GSS: variants seen among roughly 807,000 people sequenced by gnomAD.
GSS encodes the protein glutathione synthetase.
GSS carries 34 observed loss-of-function variants against 60.4 expected under a neutral mutation model. That is an observed-to-expected ratio of 0.56 (90% CI 0.43 to 0.75). The LOEUF is 0.75. Ranked by LOEUF, GSS falls within the 30% of genes least tolerant of loss-of-function variation. The pLI, the probability that GSS is intolerant of heterozygous loss-of-function variation, is 0.00. For synonymous variants in GSS, 224 were observed against 239.0 expected, an observed-to-expected ratio of 0.94 and a Z score of 0.58; for missense variants, 499 against 595.1, an observed-to-expected ratio of 0.84 and a Z score of 1.68.
chr20:34,952,112 C>T, intron 1 of GSS: 1 of 523,844 alleles, frequency 1.9e-6, no homozygotes, highest in South Asian at 2.0e-5. Flanking sequence ...ATTATTCTCA[C>T]AGTAAGGAAG....
intron 1 of GSS, chr20:34,954,905 T>G (rs1393135745): frequency 6.5e-6 from 1 of 153,542 alleles, no homozygotes; most frequent in Non-Finnish European, 1.5e-5. Context: ...TATAGTACTT[T>G]GAATTCCTTT....
chr20:34,953,263 T>C (rs6060129), intron 1 of GSS, among the ~76,000 whole-genome samples: 6 of 152,178 alleles, frequency 3.9e-5, no homozygotes, highest in African/African-American at 1.2e-4. Flanking sequence ...TAGAGAATAA[T>C]AGGAAACCTC....
intron 8 of GSS, among the ~76,000 whole-genome samples, 168 bp from the exon 9 acceptor site, chr20:34,935,810 T>G (rs1167466161): frequency 6.6e-6 from 1 of 152,178 alleles, no homozygotes; most frequent in Admixed American, 6.5e-5. Context: ...ATATCCACAC[T>G]ACCAGGGCTT....
intron 6 of GSS, among the ~76,000 whole-genome samples, chr20:34,940,249 G>A (rs1212863706): frequency 6.6e-6 from 1 of 152,152 alleles, no homozygotes; most frequent in Non-Finnish European, 1.5e-5. Flanking sequence ...GGACACACAA[G>A]TATTTTCTGT....
intron 6 of GSS, among the ~76,000 whole-genome samples, chr20:34,941,183 C>T (rs557126606): frequency 1.8e-4 from 28 of 152,024 alleles, no homozygotes; most frequent in Admixed American, 9.2e-4. Flanking sequence ...GGTGAAACCC[C>T]GTCTCTACTA....
chr20:34,951,989 C>G, intron 1 of GSS, 129 bp from the exon 2 acceptor site: 2 of 863,164 alleles, frequency 2.3e-6, no homozygotes, highest in Non-Finnish European at 3.8e-6. Flanking sequence ...GCGTGGTATA[C>G]AGGAGTGAAC....
At chr20:34,938,703 C>A (rs748155815) in intron 6 of GSS, among the ~76,000 whole-genome samples, 5 of 152,228 alleles carry the variant, frequency 3.3e-5, no homozygotes, top group Admixed American at 6.5e-5. Context: ...AGCCTGCCAA[C>A]TGCTAAACAA....
At chr20:34,929,172 C>T (rs1475877237) in intron 12 of GSS, 4 of 698,786 alleles carry the variant, frequency 5.7e-6, no homozygotes, top group African/African-American at 5.3e-5. Context: ...TTCACGGTTG[C>T]AAAGGACTTC....
chr20:34,929,596 A>G lies in GSS; in HGVS notation c.1112-6T>C, dbSNP rs1352842956. 1.2e-6 allele frequency: 2 copies of G among 1,613,034 alleles called. No individual in the cohort carries two copies. The highest frequency in any genetic ancestry group is 1.3e-5 in the African/African-American group (1 of 74,880). On this transcript the variant is annotated splice_region_variant and splice_polypyrimidine_tract_variant and intron_variant, in intron 11 of 12. Transcript: ENST00000651619. ...CTCCCCATATAGGTTGTTACCTGCA[A>G]TGAAACTGGCCAGTCACCCTGGACC...
chr20:34,929,845 C>A (rs1392572401), intron 11 of GSS, among the ~76,000 whole-genome samples: 1 of 152,214 alleles, frequency 6.6e-6, no homozygotes, highest in Non-Finnish European at 1.5e-5. Flanking sequence ...TCTCAAGCTC[C>A]ATTGCTGGCT....
intron 1 of GSS, chr20:34,952,439 A>ATT (rs113394651): frequency 2.7e-5 from 4 of 148,912 alleles, no homozygotes; most frequent in East Asian, 1.9e-4. Flanking sequence ...GAGGCTTTGT[A>ATT]TTTTTTTTTT....
At chr20:34,930,784 C>G (rs1186468548) in intron 11 of GSS, among the ~76,000 whole-genome samples, 1 of 152,096 alleles carries the variant, frequency 6.6e-6, no homozygotes, top group African/African-American at 2.4e-5. Context: ...GGATGCAAAC[C>G]ATTTTTCCAG....
chr20:34,949,263 C>T (rs1315900710), intron 2 of GSS, among the ~76,000 whole-genome samples: 2 of 152,150 alleles, frequency 1.3e-5, no homozygotes, highest in Non-Finnish European at 2.9e-5. Flanking sequence ...GCCAAATACT[C>T]AGCCTAGATA....
intron 11 of GSS, among the ~76,000 whole-genome samples, chr20:34,930,659 C>A (rs1209333835): frequency 1.3e-5 from 2 of 152,198 alleles, no homozygotes; most frequent in Admixed American, 1.3e-4. Context: ...CACTGCTAAC[C>A]ACTTGAGTCC....
At chr20:34,940,063 C>T (rs1485489141) in intron 6 of GSS, among the ~76,000 whole-genome samples, 1 of 152,114 alleles carries the variant, frequency 6.6e-6, no homozygotes, top group Non-Finnish European at 1.5e-5. Context: ...CACTAACACC[C>T]CTTTAGGTAT....
chr20:34,940,613 A>G (rs1022810208), intron 6 of GSS, among the ~76,000 whole-genome samples: 1 of 152,194 alleles, frequency 6.6e-6, no homozygotes. Context: ...GTTGAACAGT[A>G]TTGACCTCAG....
chr20:34,952,041 A>G (rs2081573606), intron 1 of GSS, 181 bp from the exon 2 acceptor site: 5 of 654,338 alleles, frequency 7.6e-6, no homozygotes, highest in African/African-American at 1.8e-5. Flanking sequence ...TGTGCACAAA[A>G]TAGAAAGCTT....
At position 34,942,929 on chromosome 20, in the gene GSS, AC is replaced by A; in HGVS notation, c.351+1del. On this transcript the variant is annotated splice_donor_variant, in intron 4 of 12. Coordinates refer to ENST00000651619, the MANE Select transcript of GSS (RefSeq NM_000178.4). LOFTEE classifies it high-confidence loss of function. ...GACTGGAGTAGGGCTGGGAATGGTT[AC>A]CTGGGCAATGCCCTCTTTTAGGACT... 6 of 1,590,422 alleles carry A rather than the reference AC, an allele frequency of 3.8e-6. No homozygotes were observed. Among genetic ancestry groups the A allele is most frequent in the Non-Finnish European group, 5.2e-6 (6 of 1,159,974 alleles).
At chr20:34,954,974 G>A (rs999290609) in intron 1 of GSS, 7 of 152,510 alleles carry the variant, frequency 4.6e-5, no homozygotes, top group Admixed American at 4.6e-4. Flanking sequence ...CTCTTCCCTG[G>A]GCGTGAAACA....
Sources: allele counts gnomAD v4.1 joint callset (sites outside exome capture counted in the v4.1 genomes callset), GRCh38; gene constraint gnomAD v4.1.1; transcripts MANE v1.5; gene names NCBI Gene and HGNC (gene_info 2026-07-23, HGNC 2026-07-21).